METTL15: variants seen among roughly 807,000 people sequenced by gnomAD.
METTL15 encodes the protein methyltransferase 15, mitochondrial 12S rRNA N4-cytidine.
METTL15 carries 34 observed loss-of-function variants against 38.3 expected under a neutral mutation model. The ratio of observed to expected loss-of-function variants is 0.89; its 90% CI spans 0.68 to 1.18. METTL15 has a LOEUF of 1.18. METTL15 is among the 50% of genes most tolerant of loss of function. The pLI, the probability that METTL15 is intolerant of heterozygous loss-of-function variation, is 0.00. For synonymous variants in METTL15, 162 were observed against 170.9 expected (o/e 0.95, Z 0.41); for missense variants, 438 against 498.4 (o/e 0.88, Z 1.15).
intron 4 of METTL15, among the ~76,000 whole-genome samples, chr11:28,216,761 T>TC (rs1852898077): frequency 7.5e-6 from 1 of 133,888 alleles, no homozygotes; most frequent in South Asian, 2.5e-4. Flanking sequence ...CCTTCCTGTG[T>TC]CCAAGTGTTC....
chr11:28,360,046 T>C (rs1850122917), intron 4 of METTL15, among the ~76,000 whole-genome samples: 1 of 152,156 alleles, frequency 6.6e-6, no homozygotes, highest in South Asian at 2.1e-4. Flanking sequence ...GCAGGATTCT[T>C]GAAATCATAG....
chr11:28,514,132 A>C (rs1184210946), intron 6 of METTL15, among the ~76,000 whole-genome samples: 1 of 152,184 alleles, frequency 6.6e-6, no homozygotes, highest in Non-Finnish European at 1.5e-5. Context: ...TAGGGTGCAG[A>C]TTGGGTGGGC....
intron 4 of METTL15, chr11:28,261,346 G>C (rs1403500410): frequency 6.6e-6 from 1 of 152,176 alleles, no homozygotes; most frequent in Non-Finnish European, 1.5e-5. Context: ...ACTGGAGAAT[G>C]GTCCTCTTCT....
chr11:28,277,446 C>T (rs1483810284), intron 4 of METTL15, among the ~76,000 whole-genome samples: 3 of 151,976 alleles, frequency 2.0e-5, no homozygotes, highest in East Asian at 3.9e-4. Context: ...ACCTGTAATC[C>T]CAGCACTTTG....
intron 6 of METTL15, among the ~76,000 whole-genome samples, chr11:28,457,016 T>C (rs1021075434): frequency 5.3e-5 from 8 of 152,238 alleles, no homozygotes; most frequent in African/African-American, 1.9e-4. Context: ...GTGAGCATAA[T>C]GAAATGATGG....
intron 4 of METTL15, among the ~76,000 whole-genome samples, chr11:28,220,629 G>A (rs1047824085): frequency 3.3e-5 from 5 of 152,112 alleles, no homozygotes; most frequent in Admixed American, 2.0e-4. Context: ...TATTTGGCCC[G>A]TTAGTTGATG....
intron 3 of METTL15, among the ~76,000 whole-genome samples, chr11:28,180,195 A>G (rs1469500291): frequency 1.3e-5 from 2 of 151,888 alleles, no homozygotes; most frequent in Admixed American, 1.3e-4. Flanking sequence ...TGTTGAGTGA[A>G]TGAATGAGCA....
intron 6 of METTL15, among the ~76,000 whole-genome samples, chr11:28,512,616 G>A (rs1289582315): frequency 6.6e-6 from 1 of 152,230 alleles, no homozygotes; most frequent in Non-Finnish European, 1.5e-5. Flanking sequence ...GGGCTGGCCG[G>A]CCACTCTGAG....
chr11:28,322,889 G>T (rs949201877), intron 6 of METTL15, among the ~76,000 whole-genome samples: 4 of 152,144 alleles, frequency 2.6e-5, no homozygotes, highest in Non-Finnish European at 2.9e-5. Flanking sequence ...TTTCCAGTTG[G>T]CTGGTACTTG....
At chr11:28,459,416 A>G (rs1259861981) in intron 6 of METTL15, among the ~76,000 whole-genome samples, 2 of 152,184 alleles carry the variant, frequency 1.3e-5, no homozygotes, top group Non-Finnish European at 2.9e-5. Context: ...AAGAAACAGT[A>G]TCAGGAGCAG....
intron 4 of METTL15, among the ~76,000 whole-genome samples, chr11:28,282,920 T>A (rs1264139633): frequency 1.3e-5 from 2 of 152,198 alleles, no homozygotes; most frequent in Non-Finnish European, 2.9e-5. Flanking sequence ...GTTTGTTACA[T>A]AGCAAAAATT....
chr11:28,194,151 T>TCTTTCTTTCTTC (rs1851810651), intron 3 of METTL15, among the ~76,000 whole-genome samples: 2 of 111,126 alleles, frequency 1.8e-5, no homozygotes, highest in African/African-American at 3.5e-5. Context: ...TTTCTTTCTT[T>TCTTTCTTTCTTC]CTTTCTTTCT....
chr11:28,517,406 A>G (rs1385708916), intron 6 of METTL15: 1 of 152,006 alleles, frequency 6.6e-6, no homozygotes. Flanking sequence ...ACTTTCAAAC[A>G]TATTTATTTC....
At chr11:28,372,835 G>A (rs1273050784) in intron 5 of METTL15, among the ~76,000 whole-genome samples, 253 of 130,174 alleles carry the variant, frequency 1.9e-3, no homozygotes, top group Non-Finnish European at 3.5e-3. Context: ...TGATCTCATT[G>A]TTCAATTCCC....
intron 5 of METTL15, chr11:28,398,774 C>G (rs1330772345): frequency 6.6e-6 from 1 of 151,510 alleles, no homozygotes; most frequent in Non-Finnish European, 1.5e-5. Context: ...GGTACTGCCT[C>G]TGTTTTCTTC....
intron 3 of METTL15, among the ~76,000 whole-genome samples, chr11:28,135,273 GA>G (rs975245756): frequency 2.0e-5 from 3 of 152,144 alleles, no homozygotes; most frequent in Non-Finnish European, 4.4e-5. Flanking sequence ...GGTGCAGCAA[GA>G]ATAATTATTT....
At chr11:28,395,211 G>C (rs1200044205) in intron 5 of METTL15, among the ~76,000 whole-genome samples, 1 of 151,978 alleles carries the variant, frequency 6.6e-6, no homozygotes, top group Non-Finnish European at 1.5e-5. Context: ...TGTCTTTTGT[G>C]TTTAGTGTTA....
chr11:28,146,607 C>CTTGT (rs1849895162), intron 3 of METTL15, among the ~76,000 whole-genome samples: 1 of 151,754 alleles, frequency 6.6e-6, no homozygotes, highest in Non-Finnish European at 1.5e-5. Context: ...TAATTTCTTC[C>CTTGT]TTGTTTGATG....
intron 4 of METTL15, among the ~76,000 whole-genome samples, chr11:28,357,646 G>T (rs1590343722): frequency 6.6e-6 from 1 of 152,256 alleles, no homozygotes; most frequent in East Asian, 1.9e-4. Context: ...CATGGTAAGT[G>T]CTCAATAAAT....
Sources: allele counts gnomAD v4.1 joint callset (sites outside exome capture counted in the v4.1 genomes callset), GRCh38; gene constraint gnomAD v4.1.1; transcripts MANE v1.5; gene names NCBI Gene and HGNC (gene_info 2026-07-23, HGNC 2026-07-21).